The following PRR5L variants were observed in gnomAD, a reference collection of about 807,000 sequenced individuals.
PRR5L encodes the protein proline-rich protein 5-like.
Under a neutral mutation model 36.4 loss-of-function variants are expected in PRR5L, and 21 were observed. The observed-to-expected ratio is 0.58, with a 90% CI of 0.41 to 0.83. The LOEUF (loss-of-function observed/expected upper bound fraction) is 0.83, where lower values mean the gene tolerates loss of function less well. Ranked by LOEUF, PRR5L falls within the 40% of genes least tolerant of loss-of-function variation. The pLI is 0.00. For synonymous variants in PRR5L, 188 were observed against 197.0 expected (o/e 0.95, Z 0.38); for missense variants, 381 against 473.3 (o/e 0.80, Z 1.81).
chr11:36,301,560 G>A (rs1036107925), intron 1 of PRR5L, among the ~76,000 whole-genome samples: 1 of 152,068 alleles, frequency 6.6e-6, no homozygotes, highest in Admixed American at 6.5e-5. Flanking sequence ...CAGTGTGTGT[G>A]TAGGGGGCCG....
At chr11:36,460,078 A>G (rs776876070) in intron 8 of PRR5L, among the ~76,000 whole-genome samples, 54 of 152,198 alleles carry the variant, frequency 3.5e-4, no homozygotes, top group Non-Finnish European at 6.9e-4. Context: ...CCCAGTTTTT[A>G]TACACAGGTG....
intron 1 of PRR5L, among the ~76,000 whole-genome samples, chr11:36,357,451 T>C (rs967946123): frequency 5.9e-5 from 9 of 152,340 alleles, no homozygotes; most frequent in Admixed American, 5.9e-4. Context: ...AGGACTTTCA[T>C]TTTAGTAAGA....
chr11:36,338,136 GT>G (rs1266775055), intron 1 of PRR5L, among the ~76,000 whole-genome samples: 1 of 152,176 alleles, frequency 6.6e-6, no homozygotes, highest in Non-Finnish European at 1.5e-5. Flanking sequence ...TAAATTAGAT[GT>G]CTTGTTAAAA....
chr11:36,332,927 T>G (rs1856733784), intron 1 of PRR5L, among the ~76,000 whole-genome samples: 1 of 152,114 alleles, frequency 6.6e-6, no homozygotes, highest in East Asian at 1.9e-4. Flanking sequence ...AATTACCCAG[T>G]CTTGGGTGTT....
chr11:36,368,642 T>G (rs1277586948), intron 1 of PRR5L, among the ~76,000 whole-genome samples: 1 of 152,218 alleles, frequency 6.6e-6, no homozygotes, highest in African/African-American at 2.4e-5. Context: ...GTCTACGTAA[T>G]GTATGATAAT....
chr11:36,431,502 C>T (rs935185100), intron 4 of PRR5L, among the ~76,000 whole-genome samples: 1 of 151,928 alleles, frequency 6.6e-6, no homozygotes, highest in Non-Finnish European at 1.5e-5. Context: ...TTTCCCATTG[C>T]CTCAATGCTT....
chr11:36,409,770 A>G (rs1041413475), intron 3 of PRR5L, among the ~76,000 whole-genome samples: 1 of 151,780 alleles, frequency 6.6e-6, no homozygotes, highest in African/African-American at 2.4e-5. Flanking sequence ...CTCTTTTAAA[A>G]CTCCCCACAC....
intron 1 of PRR5L, among the ~76,000 whole-genome samples, chr11:36,356,203 T>C (rs1380290152): frequency 6.6e-6 from 1 of 152,174 alleles, no homozygotes; most frequent in Non-Finnish European, 1.5e-5. Flanking sequence ...TGAGCCACCA[T>C]GCCCAGCCAA....
intron 1 of PRR5L, among the ~76,000 whole-genome samples, chr11:36,352,170 C>T (rs1230665778): frequency 1.3e-5 from 2 of 152,096 alleles, no homozygotes; most frequent in Non-Finnish European, 2.9e-5. Context: ...TTGCATTTCC[C>T]TGATCATTAG....
At chr11:36,323,999 G>T (rs1028599278) in intron 1 of PRR5L, among the ~76,000 whole-genome samples, 4 of 152,140 alleles carry the variant, frequency 2.6e-5, no homozygotes, top group African/African-American at 9.7e-5. Context: ...TGCTACTTTG[G>T]AAAGCTATTT....
At chr11:36,366,864 G>C (rs1369491182) in intron 1 of PRR5L, among the ~76,000 whole-genome samples, 1 of 152,092 alleles carries the variant, frequency 6.6e-6, no homozygotes, top group Non-Finnish European at 1.5e-5. Flanking sequence ...TCACAGTAGA[G>C]TTTAAAACTC....
At chr11:36,406,251 G>C (rs1160467300) in intron 3 of PRR5L, among the ~76,000 whole-genome samples, 2 of 152,000 alleles carry the variant, frequency 1.3e-5, no homozygotes, top group African/African-American at 2.4e-5. Flanking sequence ...ATGTTCCTCT[G>C]TGTCTTGACT....
chr11:36,364,889 G>T (rs550617650), intron 1 of PRR5L, among the ~76,000 whole-genome samples: 2 of 152,048 alleles, frequency 1.3e-5, no homozygotes, highest in Admixed American at 1.3e-4. Context: ...CCCTCCCTCC[G>T]TTCCTTTCTC....
chr11:36,305,698 T>C (rs1856423026), intron 1 of PRR5L, among the ~76,000 whole-genome samples: 1 of 152,146 alleles, frequency 6.6e-6, no homozygotes, highest in Non-Finnish European at 1.5e-5. Context: ...CTTCACCCCT[T>C]CCATCGTGAG....
At chr11:36,341,225 A>G in intron 1 of PRR5L, among the ~76,000 whole-genome samples, 1 of 152,136 alleles carries the variant, frequency 6.6e-6, no homozygotes, top group East Asian at 1.9e-4. Context: ...AGAGAGATTA[A>G]TTTGGGGGCA....
Position 36,462,521 on chromosome 11 carries a change from G to T in PRR5L, c.892G>T (p.Asp298Tyr). Residue 298 changes from aspartate (D) to tyrosine (Y), a missense_variant, in exon 9 of 9, where the codon GAC becomes TAC. Coordinates refer to ENST00000530639, the MANE Select transcript of PRR5L (RefSeq NM_001160167.2). Reference sequence around the variant, plus strand: ...GCACACGGTGGCCAATGCCCACTCGGACATCCAGCTGCTGGCCATGGCCAC... The same window carrying T: ...GCACACGGTGGCCAATGCCCACTCGTACATCCAGCTGCTGGCCATGGCCAC... ...RRHTVANAHS[D>Y]IQLLAMATMM... 1.2e-6 allele frequency: 2 copies of T among 1,608,774 alleles called. No homozygotes were observed. Among genetic ancestry groups the T allele is most frequent in the Non-Finnish European group, 1.7e-6 (2 of 1,177,206 alleles).
intron 1 of PRR5L, among the ~76,000 whole-genome samples, chr11:36,332,205 C>T (rs763501954): frequency 6.6e-6 from 1 of 152,024 alleles, no homozygotes; most frequent in Non-Finnish European, 1.5e-5. Context: ...AATGTAATAG[C>T]ATTACAAAAA....
At chr11:36,404,234 G>C (rs1857860489) in intron 3 of PRR5L, among the ~76,000 whole-genome samples, 2 of 151,764 alleles carry the variant, frequency 1.3e-5, no homozygotes, top group African/African-American at 4.8e-5. Context: ...AGAGCACCAG[G>C]ATCTTCTAGG....
intron 1 of PRR5L, among the ~76,000 whole-genome samples, chr11:36,303,759 T>A (rs146009354): frequency 6.6e-6 from 1 of 152,200 alleles, no homozygotes; most frequent in African/African-American, 2.4e-5. Context: ...TTAACTGGAA[T>A]GAAAAATTAA....
Sources: allele counts gnomAD v4.1 joint callset (sites outside exome capture counted in the v4.1 genomes callset), GRCh38; gene constraint gnomAD v4.1.1; transcripts MANE v1.5; gene names NCBI Gene and HGNC (gene_info 2026-07-23, HGNC 2026-07-21).